The following PCDHA1 variants were observed in gnomAD, a reference collection of about 807,000 sequenced individuals.
PCDHA1 encodes the protein protocadherin alpha-1.
Under a neutral mutation model 61.3 loss-of-function variants are expected in PCDHA1, and 42 were observed. That is an observed-to-expected ratio of 0.69 (90% CI 0.54 to 0.89). The LOEUF is 0.89. PCDHA1 is among the 40% of genes least tolerant of loss of function. The pLI is 0.00. For synonymous variants in PCDHA1, 610 were observed against 553.8 expected, an observed-to-expected ratio of 1.10 and a Z score of -1.43; for missense variants, 1,256 against 1,235.3, an observed-to-expected ratio of 1.02 and a Z score of -0.25.
intron 1 of PCDHA1, chr5:140,822,043 G>C (rs1318041408): frequency 1.9e-6 from 3 of 1,614,200 alleles, no homozygotes; most frequent in Non-Finnish European, 2.5e-6. Flanking sequence ...TTCTCGGATC[G>C]ACCGGGAGGA....
At chr5:140,999,858 C>G (rs1563644401) in intron 3 of PCDHA1, among the ~76,000 whole-genome samples, 3 of 152,170 alleles carry the variant, frequency 2.0e-5, no homozygotes. Context: ...CTCTTCCGCT[C>G]CAAGATTACT....
intron 1 of PCDHA1, chr5:140,877,772 C>A (rs372461540): frequency 1.2e-6 from 2 of 1,614,152 alleles, no homozygotes; most frequent in Non-Finnish European, 1.7e-6. Context: ...CCGCCCAAGA[C>A]GGACCTCATG....
intron 1 of PCDHA1, chr5:140,876,498 C>A: frequency 6.2e-7 from 1 of 1,613,918 alleles, no homozygotes; most frequent in East Asian, 2.2e-5. Context: ...AAGTTCTGGA[C>A]GTGAATGACA....
rs782763370 is a variant in PCDHA1 at position 140,787,535 on chromosome 5, C to A, written c.1245C>A (p.Arg415=). The change falls in exon 1 of 4, where the codon CGC becomes CGA. Residue 415 remains arginine (R), a synonymous_variant. Transcript: ENST00000504120. ...YSLVLDSALD[R]ESLSVYELVV... ...TGGTGTTGGACAGCGCCCTGGATCGCGAGAGCCTGTCGGTCTATGAGCTGG... is the reference window on the plus strand; with the variant it reads ...TGGTGTTGGACAGCGCCCTGGATCGAGAGAGCCTGTCGGTCTATGAGCTGG... The A allele has an allele frequency of 6.2e-7, 1 of 1,614,216 alleles. No individual in the cohort carries two copies. Among genetic ancestry groups the A allele is most frequent in the Non-Finnish European group, 8.5e-7 (1 of 1,180,022 alleles).
At chr5:140,876,906 G>C (rs782762108) in intron 1 of PCDHA1, 10 of 1,613,910 alleles carry the variant, frequency 6.2e-6, no homozygotes, top group Middle Eastern at 3.3e-4. Flanking sequence ...TCACGGTGTC[G>C]GCATGGGACG....
intron 1 of PCDHA1, chr5:140,855,950 C>A: frequency 7.3e-7 from 1 of 1,363,922 alleles, no homozygotes; most frequent in Non-Finnish European, 1.0e-6. Flanking sequence ...TCAGCCATTT[C>A]GATAAAAAAT....
chr5:140,870,334 G>T lies in PCDHA1; in HGVS notation c.2394+81650G>T, dbSNP rs180868237. The T allele has an allele frequency of 3.1e-6, 5 of 1,614,166 alleles. No individual in the cohort carries two copies. The highest frequency in any genetic ancestry group is 1.7e-5 in the Admixed American group (1 of 60,020). ...TTACTACTCGTTGGTGCTGGACAGCGCCCTGGACCGCGAGAACGTGTGGGC... is the reference window on the plus strand; with the variant it reads ...TTACTACTCGTTGGTGCTGGACAGCTCCCTGGACCGCGAGAACGTGTGGGC... On this transcript the variant is annotated intron_variant, in intron 1 of 3. Transcript: ENST00000504120.
At chr5:140,824,220 G>A (rs1768050365) in intron 1 of PCDHA1, 7 of 1,561,856 alleles carry the variant, frequency 4.5e-6, no homozygotes, top group Non-Finnish European at 5.3e-6. Context: ...TAAAAATTAT[G>A]TCTTAGTACA....
At chr5:140,903,427 A>G (rs1030133179) in intron 1 of PCDHA1, among the ~76,000 whole-genome samples, 9 of 152,208 alleles carry the variant, frequency 5.9e-5, no homozygotes, top group African/African-American at 1.9e-4. Context: ...TCAGCACAAT[A>G]TGTATCAGTG....
At chr5:140,983,178 A>G (rs1302819191) in intron 3 of PCDHA1, among the ~76,000 whole-genome samples, 2 of 152,158 alleles carry the variant, frequency 1.3e-5, no homozygotes, top group Admixed American at 6.5e-5. Context: ...CCGCCTCACA[A>G]TTTCTTAGTT....
chr5:140,870,562 G>T (rs1554164416), intron 1 of PCDHA1: 1 of 1,613,996 alleles, frequency 6.2e-7, no homozygotes, highest in Non-Finnish European at 8.5e-7. Context: ...GCAGGAGAAC[G>T]CGCTGGTGTC....
intron 1 of PCDHA1, chr5:140,861,112 C>T (rs1554154163): frequency 2.0e-5 from 3 of 152,522 alleles, no homozygotes; most frequent in Admixed American, 6.5e-5. Flanking sequence ...TTAAAAACTA[C>T]AAACACCCAT....
intron 1 of PCDHA1, among the ~76,000 whole-genome samples, chr5:140,798,486 G>T (rs1350961126): frequency 2.0e-5 from 3 of 152,142 alleles, no homozygotes; most frequent in Non-Finnish European, 4.4e-5. Flanking sequence ...TTTAAGTGGA[G>T]ACTACCCAGT....
intron 1 of PCDHA1, chr5:140,870,562 G>A: frequency 6.2e-7 from 1 of 1,613,996 alleles, no homozygotes; most frequent in Non-Finnish European, 8.5e-7. Context: ...GCAGGAGAAC[G>A]CGCTGGTGTC....
chr5:140,994,519 A>G (rs1378534275), intron 3 of PCDHA1, among the ~76,000 whole-genome samples: 2 of 148,690 alleles, frequency 1.3e-5, no homozygotes, highest in Non-Finnish European at 3.0e-5. Context: ...CCTGGGCAAC[A>G]TGGCAAAACC....
In PCDHA1 at chr5:140,788,134, C is replaced by T; in HGVS notation, c.1844C>T (p.Ala615Val). The change falls in exon 1 of 4, where the codon GCA (alanine) becomes GTA (valine). Residue 615 changes from alanine to valine, a missense_variant. Physicochemically the swap from Ala to Val is moderately conservative, Grantham distance 64 (BLOSUM62 0). Coordinates refer to ENST00000504120, the MANE Select transcript of PCDHA1 (RefSeq NM_018900.4). ...CTGTCCTATGAACTGCAGCCGGCAGCAGGCGGCGCGCGCATCCCGTTCCGC... is the reference window on the plus strand; with the variant it reads ...CTGTCCTATGAACTGCAGCCGGCAGTAGGCGGCGCGCGCATCCCGTTCCGC... ...AWLSYELQPAAGGARIPFRVG... is the reference protein window; with the variant it reads ...AWLSYELQPAVGGARIPFRVG... The T allele has an allele frequency of 6.2e-7, 1 of 1,613,946 alleles. No homozygotes were observed. Among genetic ancestry groups the T allele is most frequent in the Non-Finnish European group, 8.5e-7 (1 of 1,179,906 alleles).
intron 1 of PCDHA1, chr5:140,870,600 C>T (rs2052205241): frequency 6.2e-7 from 1 of 1,613,338 alleles, no homozygotes. Context: ...GGCGGTTGGG[C>T]GACCGCGCGC....
At chr5:140,828,008 A>T (rs1427962519) in intron 1 of PCDHA1, 2 of 1,505,342 alleles carry the variant, frequency 1.3e-6, no homozygotes, top group African/African-American at 2.8e-5. Flanking sequence ...CGCAGAAGAA[A>T]TGGATTAATA....
rs2150352626 is a variant in PCDHA1, at chr5:140,843,105, G to T, written c.2394+54421G>T. On this transcript the variant is annotated intron_variant, in intron 1 of 3. Coordinates refer to ENST00000504120, the MANE Select transcript of PCDHA1 (RefSeq NM_018900.4). ...GCGGGCCACGTGGTAGCGAAGGTGC[G>T]CGCAGTGGACGCCGACTCGGGCTAC... 11 of 1,595,772 alleles carry T rather than the reference G, an allele frequency of 6.9e-6. 2 individuals carry two copies. Among genetic ancestry groups the T allele is most frequent in the Non-Finnish European group, 9.4e-6 (11 of 1,165,508 alleles).
Sources: gnomAD v4.1 joint callset for allele counts (sites outside exome capture counted in the v4.1 genomes callset) on GRCh38, gnomAD v4.1.1 for gene constraint, MANE v1.5 for transcripts, NCBI Gene and HGNC (gene_info 2026-07-23, HGNC 2026-07-21) for gene names.